Variants in SLC25A24 observed in about 807,000 individuals in gnomAD.
SLC25A24 encodes mitochondrial adenyl nucleotide antiporter SLC25A24.
In SLC25A24, 49 loss-of-function variants were observed where a neutral mutation model predicts 60.7. The ratio of observed to expected loss-of-function variants is 0.81; its 90% confidence interval spans 0.64 to 1.02. The LOEUF is 1.02. SLC25A24 is among the 50% of genes least tolerant of loss of function. The pLI is 0.00. For missense variants in SLC25A24, 564 were observed against 586.3 expected (o/e 0.96, Z 0.39); for synonymous variants, 202 against 200.6 (o/e 1.01, Z -0.06).
chr1:108,159,043 A>G (rs943134406), intron 4 of SLC25A24, among the ~76,000 whole-genome samples: 11 of 152,162 alleles, frequency 7.2e-5, no homozygotes, highest in Non-Finnish European at 2.9e-5. Flanking sequence ...CAAAAAATAA[A>G]TAAAACTCCT....
At chr1:108,173,883 C>A (rs532210167) in intron 3 of SLC25A24, among the ~76,000 whole-genome samples, 1 of 152,242 alleles carries the variant, frequency 6.6e-6, no homozygotes, top group Admixed American at 6.5e-5. Flanking sequence ...AGCAAAGAGA[C>A]TGGTGGCTTT....
chr1:108,184,574 C>CT (rs1450132735), intron 2 of SLC25A24, among the ~76,000 whole-genome samples: 1 of 152,202 alleles, frequency 6.6e-6, no homozygotes. Context: ...TTGAATTAAA[C>CT]TTTAATATTC....
intron 6 of SLC25A24, among the ~76,000 whole-genome samples, chr1:108,149,385 C>A (rs965131204): frequency 1.3e-5 from 2 of 152,056 alleles, no homozygotes; most frequent in Non-Finnish European, 2.9e-5. Flanking sequence ...TCCAGAGCCA[C>A]GTGGCCTCGA....
chr1:108,180,957 C>G (rs1450104169), intron 3 of SLC25A24, among the ~76,000 whole-genome samples: 1 of 152,224 alleles, frequency 6.6e-6, no homozygotes, highest in Non-Finnish European at 1.5e-5. Context: ...AAAGCCCTCA[C>G]TTTCCTATAA....
At chr1:108,177,348 A>C (rs553524166) in intron 3 of SLC25A24, among the ~76,000 whole-genome samples, 128 of 152,312 alleles carry the variant, frequency 8.4e-4, no homozygotes, top group African/African-American at 3.1e-3. Context: ...GAGGAAGAAA[A>C]GAATAAAGGA....
chr1:108,189,061 C>A (rs138659693), intron 1 of SLC25A24, among the ~76,000 whole-genome samples: 53 of 152,284 alleles, frequency 3.5e-4, no homozygotes, highest in Middle Eastern at 6.8e-3. Flanking sequence ...ATCCTGAAAA[C>A]AAGATTTTCT....
chr1:108,165,364 C>T (rs188988418), intron 3 of SLC25A24, among the ~76,000 whole-genome samples: 109 of 152,194 alleles, frequency 7.2e-4, no homozygotes, highest in African/African-American at 2.6e-3. Flanking sequence ...CTTTCTGTCT[C>T]ATTGGTCTGT....
In SLC25A24 at chr1:108,161,178, T is replaced by A; in HGVS notation, c.510+4A>T. On this transcript the variant is annotated splice_donor_region_variant and intron_variant, in intron 4 of 9. Transcript: ENST00000565488. The stretch of plus-strand genomic sequence containing the variant: ...ATAAGTATAAATACATAAAGTAGAC[T>A]TACTGTAGAATGTTTCCAGAAACGG... 7.1e-7 allele frequency: 1 copy of A among 1,406,572 alleles called. No homozygotes were observed. Among genetic ancestry groups the A allele is most frequent in the East Asian group, 2.3e-5 (1 of 43,926 alleles). 87.1% of individuals were successfully genotyped at this position (1,406,572 alleles called of 1,614,324 possible). A position where few individuals can be genotyped will look rare whatever the true frequency, so the allele number is the denominator to read the frequency against.
intron 3 of SLC25A24, among the ~76,000 whole-genome samples, chr1:108,173,157 A>T (rs1647522201): frequency 6.6e-6 from 1 of 152,142 alleles, no homozygotes; most frequent in Non-Finnish European, 1.5e-5. Flanking sequence ...GCTTGAGCCC[A>T]GGATTTCGAT....
At chr1:108,193,463 T>C (rs1648408512) in intron 1 of SLC25A24, among the ~76,000 whole-genome samples, 1 of 139,806 alleles carries the variant, frequency 7.2e-6, no homozygotes, top group South Asian at 2.7e-4. Flanking sequence ...ATAATTCGTT[T>C]AAGTTATTGG....
At chr1:108,157,705 T>C (rs540717095) in intron 4 of SLC25A24, 85 bp from the exon 5 acceptor site, 1,177 of 1,431,890 alleles carry the variant, frequency 8.2e-4, no homozygotes, top group Non-Finnish European at 1.0e-3. Context: ...AATCATGTTA[T>C]TTTACAGTTA....
chr1:108,177,575 T>C (rs1179422151), intron 3 of SLC25A24, among the ~76,000 whole-genome samples: 1 of 152,156 alleles, frequency 6.6e-6, no homozygotes. Context: ...GAAAAAGATA[T>C]TCCATGGAAA....
intron 3 of SLC25A24, among the ~76,000 whole-genome samples, chr1:108,165,679 A>G (rs1289250430): frequency 6.6e-6 from 1 of 152,082 alleles, no homozygotes. Context: ...TTTTGAGTCT[A>G]TGTGTGTCTC....
chr1:108,187,929 T>TAGATAG (rs1225496682), intron 1 of SLC25A24, among the ~76,000 whole-genome samples: 47 of 132,656 alleles, frequency 3.5e-4, no homozygotes, highest in Non-Finnish European at 3.8e-4. Flanking sequence ...ACATTATAGA[T>TAGATAG]ATATATATAT....
chr1:108,158,038 C>A (rs896412450), intron 4 of SLC25A24, among the ~76,000 whole-genome samples: 6 of 152,116 alleles, frequency 3.9e-5, no homozygotes, highest in African/African-American at 1.4e-4. Flanking sequence ...TTAAACAATA[C>A]TTCCTTTATC....
chr1:108,163,254 CT>C lies in SLC25A24; in HGVS notation c.399-1962del, dbSNP rs1400705264. 2.8e-5 allele frequency among the ~76,000 whole-genome samples: 3 copies of C among 105,804 alleles called. No homozygotes were observed. In the South Asian group the frequency reaches 8.3e-4, roughly 29 times the overall value. 69.4% of individuals were successfully genotyped at this position (105,804 alleles called of 152,430 possible). On this transcript the variant is annotated intron_variant, in intron 3 of 9. Coordinates refer to ENST00000565488, the MANE Select transcript of SLC25A24 (RefSeq NM_013386.5). The stretch of plus-strand genomic sequence containing the variant: ...GATGCCTCCAGCTTTGTTCTTTTGG[CT>C]TAGGATTGACTTGGCAATGCGGGCT...
intron 5 of SLC25A24, among the ~76,000 whole-genome samples, chr1:108,156,193 T>C (rs2101612743): frequency 6.6e-6 from 1 of 152,352 alleles, no homozygotes; most frequent in Middle Eastern, 3.4e-3. Context: ...TGTGCTTCTT[T>C]ACTTGACTGA....
chr1:108,191,987 T>C (rs1648356826), intron 1 of SLC25A24, among the ~76,000 whole-genome samples: 1 of 138,510 alleles, frequency 7.2e-6, no homozygotes, highest in Non-Finnish European at 1.6e-5. Flanking sequence ...GGTCTATCAA[T>C]TAAGGCATAT....
At chr1:108,189,814 C>CAAAAA (rs34977169) in intron 1 of SLC25A24, among the ~76,000 whole-genome samples, 1 of 106,506 alleles carries the variant, frequency 9.4e-6, no homozygotes, top group Non-Finnish European at 2.0e-5. Flanking sequence ...GACTCCATCT[C>CAAAAA]AAAAAAAAAA....
Sources: gnomAD v4.1 joint callset for allele counts (sites outside exome capture counted in the v4.1 genomes callset) on GRCh38, gnomAD v4.1.1 for gene constraint, MANE v1.5 for transcripts, NCBI Gene and HGNC (gene_info 2026-07-23, HGNC 2026-07-21) for gene names.